MYCT1: variants seen among roughly 807,000 people sequenced by gnomAD.
MYCT1 encodes myc target protein 1.
Under a neutral mutation model 15.0 loss-of-function variants are expected in MYCT1, and 12 were observed. The ratio of observed to expected loss-of-function variants is 0.80; its 90% CI spans 0.51 to 1.29. MYCT1 has a LOEUF of 1.29. Among genes scored for constraint, MYCT1 ranks in the 50% most tolerant of loss-of-function variants. The pLI, the probability that MYCT1 is intolerant of heterozygous loss-of-function variation, is 0.00. For missense variants in MYCT1, 287 were observed against 279.1 expected, an observed-to-expected ratio of 1.03 and a Z score of -0.20; for synonymous variants, 104 against 102.7, an observed-to-expected ratio of 1.01 and a Z score of -0.07.
chr6:152,697,968 T>C lies in MYCT1; in HGVS notation c.66T>C (p.Asp22=). The change falls in exon 1 of 2, where the codon GAT becomes GAC. Residue 22 remains aspartate, a synonymous_variant. Transcript: ENST00000367245. ...TTTCTCTTGCTGTACTACAAAGAGA[T>C]AGAATCAAACTGCTTTTTTTCGACA... ...NYFSLAVLQR[D]RIKLLFFDIL... 3 of 1,488,208 alleles carry C rather than the reference T, an allele frequency of 2.0e-6. No homozygotes were observed. Among genetic ancestry groups the C allele is most frequent in the Admixed American group, 4.0e-5 (2 of 50,538 alleles). 92.2% of individuals were successfully genotyped at this position (1,488,208 alleles called of 1,614,324 possible).
At chr6:152,706,728 G>A (rs1024998998) in intron 1 of MYCT1, among the ~76,000 whole-genome samples, 2 of 151,904 alleles carry the variant, frequency 1.3e-5, no homozygotes, top group African/African-American at 4.8e-5. Context: ...AAAAGTTAGG[G>A]GTATTAAATG....
the MYCT1 span, among the ~76,000 whole-genome samples, chr6:152,734,057 A>G: frequency 4.2e-4 from 64 of 151,980 alleles, no homozygotes; most frequent in African/African-American, 1.5e-3. Flanking sequence ...CAGTCCATCA[A>G]TCCTTCACCA....
At chr6:152,715,411 C>G (rs1223095134) in intron 1 of MYCT1, among the ~76,000 whole-genome samples, 5 of 151,294 alleles carry the variant, frequency 3.3e-5, no homozygotes, top group Middle Eastern at 3.4e-3. Flanking sequence ...AATCTCCAAG[C>G]CTTTTGTTTA....
rs1196672543 is a variant in MYCT1, at chr6:152,722,717, G to A, written c.*464G>A. ...TTTAGAATGACAAGTGAATCATATTGACATTTTACAATCTTAGATTTTTCT... is the reference window on the plus strand; with the variant it reads ...TTTAGAATGACAAGTGAATCATATTAACATTTTACAATCTTAGATTTTTCT... On this transcript the variant is annotated 3_prime_UTR_variant, in exon 2 of 2. Transcript: ENST00000367245. 6 of 373,002 alleles carry A rather than the reference G, an allele frequency of 1.6e-5. No homozygotes were observed. The highest frequency in any genetic ancestry group is 6.4e-5 in the African/African-American group (3 of 46,660). The allele number at this position is 373,002 out of a possible 1,614,324, so 23.1% of individuals were successfully genotyped here. A position where few individuals can be genotyped will look rare whatever the true frequency, so the allele number is the denominator to read the frequency against.
intron 1 of MYCT1, among the ~76,000 whole-genome samples, chr6:152,699,419 TAAG>T (rs1000254952): frequency 6.6e-6 from 1 of 152,104 alleles, no homozygotes; most frequent in Admixed American, 6.6e-5. Context: ...GTAACAGAAT[TAAG>T]AAGAAGAAAA....
chr6:152,717,786 T>G (rs561261444), intron 1 of MYCT1, among the ~76,000 whole-genome samples: 2 of 152,296 alleles, frequency 1.3e-5, no homozygotes, highest in African/African-American at 4.8e-5. Flanking sequence ...TTACTGACTT[T>G]ATGGATTAAG....
chr6:152,745,848 C>A, the MYCT1 span, among the ~76,000 whole-genome samples: 1 of 152,162 alleles, frequency 6.6e-6, no homozygotes, highest in African/African-American at 2.4e-5. Context: ...CAACTATCAT[C>A]CAGGTTTGTC....
At chr6:152,736,149 A>C in the MYCT1 span, among the ~76,000 whole-genome samples, 1 of 152,130 alleles carries the variant, frequency 6.6e-6, no homozygotes, top group African/African-American at 2.4e-5. Context: ...ACTTAATGAA[A>C]GGAATAGGAA....
the MYCT1 span, among the ~76,000 whole-genome samples, chr6:152,742,732 A>G: frequency 6.6e-6 from 1 of 152,148 alleles, no homozygotes; most frequent in Non-Finnish European, 1.5e-5. Flanking sequence ...GGAATCCCAC[A>G]TTGATTTCCC....
the MYCT1 span, among the ~76,000 whole-genome samples, chr6:152,736,720 G>A: frequency 2.0e-5 from 3 of 152,028 alleles, no homozygotes; most frequent in African/African-American, 7.2e-5. Context: ...TCGTGAACAT[G>A]CATGATCATT....
At chr6:152,726,177 AC>A (rs1285867873), downstream of MYCT1, among the ~76,000 whole-genome samples, 1 of 152,068 alleles carries the variant, frequency 6.6e-6, no homozygotes. Context: ...CGGGCAGATC[AC>A]CTGAGGTCAG....
chr6:152,703,788 G>T (rs1328817684), intron 1 of MYCT1, among the ~76,000 whole-genome samples: 3 of 151,822 alleles, frequency 2.0e-5, no homozygotes, highest in East Asian at 3.9e-4. Flanking sequence ...CAGTCTAAAG[G>T]CTTTAAGACT....
chr6:152,731,198 G>A, the MYCT1 span, among the ~76,000 whole-genome samples: 2 of 147,558 alleles, frequency 1.4e-5, no homozygotes, highest in East Asian at 2.0e-4. Flanking sequence ...GCAGGCAAAA[G>A]TATGTTAGTG....
At chr6:152,736,671 A>C in the MYCT1 span, among the ~76,000 whole-genome samples, 4 of 152,164 alleles carry the variant, frequency 2.6e-5, no homozygotes, top group Admixed American at 2.6e-4. Context: ...AATAGGCTGC[A>C]CATCCATTAT....
the MYCT1 span, among the ~76,000 whole-genome samples, chr6:152,731,097 C>G: frequency 1.3e-5 from 2 of 151,930 alleles, no homozygotes; most frequent in African/African-American, 2.4e-5. Flanking sequence ...ATACACAAGA[C>G]AGAAGACATC....
At chr6:152,714,353 A>G (rs1555095030) in intron 1 of MYCT1, among the ~76,000 whole-genome samples, 1 of 49,006 alleles carries the variant, frequency 2.0e-5, no homozygotes, top group Non-Finnish European at 4.4e-5. Flanking sequence ...GCTTTCTCTT[A>G]TTTACTGTAT....
chr6:152,727,902 G>T (rs1275531540), downstream of MYCT1, among the ~76,000 whole-genome samples: 1 of 152,120 alleles, frequency 6.6e-6, no homozygotes, highest in African/African-American at 2.4e-5. Context: ...GGTGGCTCAC[G>T]CCTGTAATCC....
the MYCT1 span, among the ~76,000 whole-genome samples, chr6:152,743,358 G>A: frequency 5.9e-5 from 9 of 152,230 alleles, no homozygotes; most frequent in Admixed American, 6.5e-5. Flanking sequence ...GAGCCACTGC[G>A]CCCGGCCCTT....
the MYCT1 span, among the ~76,000 whole-genome samples, chr6:152,733,773 T>A: frequency 2.0e-5 from 3 of 152,230 alleles, no homozygotes; most frequent in Non-Finnish European, 2.9e-5. Flanking sequence ...CAAGTTAAAA[T>A]GTCACTAAGG....
Sources: allele counts gnomAD v4.1 joint callset (sites outside exome capture counted in the v4.1 genomes callset), GRCh38; gene constraint gnomAD v4.1.1; transcripts MANE v1.5; gene names NCBI Gene and HGNC (gene_info 2026-07-23, HGNC 2026-07-21).